CSMD1: variants seen among roughly 807,000 people sequenced by gnomAD.
CSMD1 encodes CUB and Sushi multiple domains 1, also known as CUB and sushi domain-containing protein 1.
CSMD1 carries 213 observed loss-of-function variants against 417.5 expected under a neutral mutation model. The observed-to-expected ratio is 0.51, with a 90% CI of 0.46 to 0.57. The LOEUF is 0.57. Among genes scored for constraint, CSMD1 ranks in the 20% least tolerant of loss-of-function variants. The probability of loss-of-function intolerance (pLI) is 0.00; values close to 1 mark genes in which losing one functional copy is unlikely to be tolerated. For missense variants in CSMD1, 6,923 were observed against 4,529.7 expected (o/e 1.53, Z -15.17); for synonymous variants, 2,862 against 1,736.8 (o/e 1.65, Z -16.11).
chr8:3,638,155 C>T (rs779382121), intron 7 of CSMD1, among the ~76,000 whole-genome samples: 1 of 152,206 alleles, frequency 6.6e-6, no homozygotes, highest in South Asian at 2.1e-4. Flanking sequence ...CTGCCCCTCA[C>T]TGATGTTTCC....
chr8:4,724,403 A>T (rs531336575), intron 1 of CSMD1, among the ~76,000 whole-genome samples: 10 of 152,192 alleles, frequency 6.6e-5, no homozygotes, highest in Non-Finnish European at 1.5e-4. Context: ...GGCATACCAT[A>T]AAGTAAAATC....
rs189592884 is a variant in CSMD1 at position 4,332,008 on chromosome 8, C to G, written c.415+87945G>C. On this transcript the variant is annotated intron_variant, in intron 3 of 69. Coordinates refer to ENST00000635120, the MANE Select transcript of CSMD1 (RefSeq NM_033225.6). ...TGAAATGAAAATGCTGAGTAATTTACTCAAACCCACAAACAATGATGGATG... is the reference window on the plus strand; with the variant it reads ...TGAAATGAAAATGCTGAGTAATTTAGTCAAACCCACAAACAATGATGGATG... Among the ~76,000 whole-genome samples the G allele has an allele frequency of 2.0e-3, 307 of 152,224 alleles. 4 individuals carry two copies. Among genetic ancestry groups the G allele is most frequent in the South Asian group, 0.017 (84 of 4,822 alleles).
chr8:3,369,611 G>A (rs1051711437), intron 18 of CSMD1, among the ~76,000 whole-genome samples: 1 of 152,156 alleles, frequency 6.6e-6, no homozygotes, highest in African/African-American at 2.4e-5. Flanking sequence ...CACAGCAGGA[G>A]AGCTGGAACC....
At chr8:3,803,635 G>A (rs751249178) in intron 5 of CSMD1, among the ~76,000 whole-genome samples, 2 of 152,164 alleles carry the variant, frequency 1.3e-5, no homozygotes, top group African/African-American at 4.8e-5. Flanking sequence ...ATTTGAGCCT[G>A]GAAGGAGAGG....
rs138130622 is a variant in CSMD1, at chr8:4,104,100, T to C, written c.416-72001A>G. 5.4e-3 allele frequency among the ~76,000 whole-genome samples: 820 copies of C among 152,338 alleles called. 6 individuals are homozygous for C. The highest frequency in any genetic ancestry group is 0.019 in the African/African-American group (779 of 41,574). ...CCTCAAGACACACAAATGATCAAGA[T>C]TGACCTGTCCCACAGAAGCAGAGTG... is the stretch of plus-strand genomic sequence containing the variant. On this transcript the variant is annotated intron_variant, in intron 3 of 69. Coordinates refer to ENST00000635120, the MANE Select transcript of CSMD1 (RefSeq NM_033225.6).
At chr8:4,544,659 G>A (rs766405161) in intron 2 of CSMD1, among the ~76,000 whole-genome samples, 4 of 152,232 alleles carry the variant, frequency 2.6e-5, no homozygotes, top group African/African-American at 4.8e-5. Context: ...ATGCATTAAC[G>A]TATTCCATGT....
chr8:4,076,943 C>T (rs151092411), intron 3 of CSMD1, among the ~76,000 whole-genome samples: 1 of 152,184 alleles, frequency 6.6e-6, no homozygotes, highest in East Asian at 1.9e-4. Context: ...AAAAATCTTA[C>T]ACAAGGATAA....
intron 1 of CSMD1, among the ~76,000 whole-genome samples, chr8:4,905,713 G>C (rs901813337): frequency 6.6e-6 from 1 of 151,344 alleles, no homozygotes; most frequent in Non-Finnish European, 1.5e-5. Context: ...CCAGCTCCTC[G>C]GGAGGCTGAG....
chr8:3,462,337 C>T (rs530536519), intron 12 of CSMD1, among the ~76,000 whole-genome samples: 5 of 152,154 alleles, frequency 3.3e-5, no homozygotes, highest in African/African-American at 1.2e-4. Flanking sequence ...TCCCAACCCC[C>T]AGGCCAGGGA....
chr8:3,451,013 G>C (rs1458350192), intron 12 of CSMD1, among the ~76,000 whole-genome samples: 2 of 152,194 alleles, frequency 1.3e-5, no homozygotes, highest in Non-Finnish European at 2.9e-5. Context: ...CATTCTAACT[G>C]GTGTGAGATG....
intron 5 of CSMD1, among the ~76,000 whole-genome samples, chr8:3,794,242 G>C (rs1346574139): frequency 1.3e-5 from 2 of 152,200 alleles, no homozygotes. Context: ...GTTCTACGCA[G>C]TTGAGATGTT....
intron 2 of CSMD1, among the ~76,000 whole-genome samples, chr8:4,606,163 G>A (rs1405839567): frequency 6.6e-6 from 1 of 152,146 alleles, no homozygotes; most frequent in Non-Finnish European, 1.5e-5. Flanking sequence ...TAAACCGCAG[G>A]ACACATAACT....
At chr8:4,042,059 A>G (rs1342303490) in intron 3 of CSMD1, among the ~76,000 whole-genome samples, 1 of 152,216 alleles carries the variant, frequency 6.6e-6, no homozygotes, top group Non-Finnish European at 1.5e-5. Context: ...AGACACAAGT[A>G]TGTAATTAAA....
chr8:4,176,600 T>G lies in CSMD1; in HGVS notation c.416-144501A>C, dbSNP rs1343382958. ...CCCTCTAGTAGAAGGGACATAGGAGTAGGAAATTCTAATCCATAAAAGACA... is the reference window on the plus strand; with the variant it reads ...CCCTCTAGTAGAAGGGACATAGGAGGAGGAAATTCTAATCCATAAAAGACA... On this transcript the variant is annotated intron_variant, in intron 3 of 69. Transcript: ENST00000635120. Among the ~76,000 whole-genome samples, 8 of 102,928 alleles carry G rather than the reference T, an allele frequency of 7.8e-5. No homozygotes were observed. In the East Asian group the frequency reaches 2.4e-3, roughly 31 times the overall value. The allele number at this position is 102,928 out of a possible 152,430, so 67.5% of individuals were successfully genotyped here.
chr8:4,628,285 C>A (rs115073718), intron 2 of CSMD1, among the ~76,000 whole-genome samples: 3,076 of 150,978 alleles, frequency 0.02, 106 homozygotes, highest in African/African-American at 0.071. Flanking sequence ...AATATTTTAA[C>A]TTAATTTGTC....
chr8:4,020,097 T>C (rs1796715163), intron 4 of CSMD1, among the ~76,000 whole-genome samples: 1 of 152,178 alleles, frequency 6.6e-6, no homozygotes, highest in Admixed American at 6.5e-5. Flanking sequence ...CTGATATTTT[T>C]AGAGTTTCTC....
chr8:3,244,542 G>A (rs1000815781), intron 26 of CSMD1, among the ~76,000 whole-genome samples: 1 of 152,160 alleles, frequency 6.6e-6, no homozygotes, highest in African/African-American at 2.4e-5. Flanking sequence ...CATCTGGGTC[G>A]CCTCTAACCT....
intron 57 of CSMD1, among the ~76,000 whole-genome samples, chr8:2,968,127 A>G (rs1299770633): frequency 6.6e-6 from 1 of 152,226 alleles, no homozygotes; most frequent in Admixed American, 6.5e-5. Flanking sequence ...TGAAAGTTTT[A>G]TGATAACTAT....
intron 6 of CSMD1, among the ~76,000 whole-genome samples, chr8:3,736,612 C>T (rs1796532575): frequency 6.6e-6 from 1 of 152,290 alleles, no homozygotes; most frequent in Admixed American, 6.5e-5. Flanking sequence ...CAACACCAGG[C>T]AATGGCAGAG....
Sources: gnomAD v4.1 joint callset for allele counts (sites outside exome capture counted in the v4.1 genomes callset) on GRCh38, gnomAD v4.1.1 for gene constraint, MANE v1.5 for transcripts, NCBI Gene and HGNC (gene_info 2026-07-23, HGNC 2026-07-21) for gene names.